Variants in NALF1 observed in about 807,000 individuals in gnomAD.
The protein encoded by NALF1 is NALCN channel auxiliary factor 1.
In NALF1, 3 loss-of-function variants were observed where a neutral mutation model predicts 48.4. That is an observed-to-expected ratio of 0.06 (90% CI 0.03 to 0.16). The LOEUF is 0.16. Among genes scored for constraint, NALF1 ranks in the 10% least tolerant of loss-of-function variants. The pLI is 1.00. For missense variants in NALF1, 526 were observed against 571.5 expected (o/e 0.92, Z 0.81); for synonymous variants, 262 against 245.7 (o/e 1.07, Z -0.62).
chr13:107,307,177 G>A (rs972756456), intron 1 of NALF1, among the ~76,000 whole-genome samples: 2 of 152,202 alleles, frequency 1.3e-5, no homozygotes, highest in African/African-American at 2.4e-5. Flanking sequence ...GTGCCCACAA[G>A]TGAATGAAGT....
chr13:107,499,452 T>C (rs994756782), intron 1 of NALF1, among the ~76,000 whole-genome samples: 4 of 152,136 alleles, frequency 2.6e-5, no homozygotes, highest in Admixed American at 6.6e-5. Flanking sequence ...TGGGGGATCC[T>C]CATGCTTGAC....
At chr13:107,754,397 A>ACC (rs1555323446) in intron 1 of NALF1, among the ~76,000 whole-genome samples, 21 of 131,028 alleles carry the variant, frequency 1.6e-4, no homozygotes, top group Admixed American at 5.5e-4. Context: ...ACACACACAC[A>ACC]CCATATATGG....
intron 1 of NALF1, among the ~76,000 whole-genome samples, chr13:107,260,370 C>G (rs1028586469): frequency 7.9e-5 from 12 of 152,168 alleles, no homozygotes; most frequent in Non-Finnish European, 1.0e-4. Context: ...ATTTGTAACA[C>G]AGACCCTGCA....
intron 1 of NALF1, among the ~76,000 whole-genome samples, chr13:107,487,680 C>A (rs1488807503): frequency 6.6e-6 from 1 of 152,160 alleles, no homozygotes; most frequent in Non-Finnish European, 1.5e-5. Context: ...ATTCAGTTTG[C>A]TAGTGTTTTT....
chr13:107,289,238 T>C (rs1881566620), intron 1 of NALF1, among the ~76,000 whole-genome samples: 1 of 152,200 alleles, frequency 6.6e-6, no homozygotes, highest in Admixed American at 6.5e-5. Context: ...CATGAACACA[T>C]TCTTCCCTTT....
chr13:107,373,946 C>T (rs1045545527), intron 1 of NALF1, among the ~76,000 whole-genome samples: 5 of 152,150 alleles, frequency 3.3e-5, no homozygotes, highest in Non-Finnish European at 7.3e-5. Context: ...TTTTAACATA[C>T]TTAATATCCC....
intron 1 of NALF1, among the ~76,000 whole-genome samples, chr13:107,668,315 C>A (rs1207743820): frequency 2.0e-5 from 3 of 151,932 alleles, no homozygotes; most frequent in Admixed American, 6.6e-5. Context: ...TTGGAAAGTC[C>A]CTGATCCTTT....
At chr13:107,731,521 A>G (rs1273067894) in intron 1 of NALF1, among the ~76,000 whole-genome samples, 1 of 152,074 alleles carries the variant, frequency 6.6e-6, no homozygotes, top group Non-Finnish European at 1.5e-5. Flanking sequence ...AGTACCCAAC[A>G]GTTATTATTT....
intron 1 of NALF1, among the ~76,000 whole-genome samples, chr13:107,214,466 C>T (rs972714947): frequency 9.2e-5 from 14 of 152,078 alleles, no homozygotes; most frequent in East Asian, 3.9e-4. Context: ...TTATATGAAA[C>T]GAAAGAATAA....
intron 1 of NALF1, among the ~76,000 whole-genome samples, chr13:107,249,467 T>C (rs578087178): frequency 7.2e-5 from 11 of 152,282 alleles, no homozygotes; most frequent in African/African-American, 2.6e-4. Context: ...GAAGTGATGT[T>C]TTTATTCTAA....
At chr13:107,647,878 C>T (rs1014683007) in intron 1 of NALF1, among the ~76,000 whole-genome samples, 4 of 152,184 alleles carry the variant, frequency 2.6e-5, no homozygotes, top group African/African-American at 7.2e-5. Flanking sequence ...TATTTCAAAA[C>T]TGATCTACCT....
At chr13:107,197,418 GCT>G (rs1333116458) in intron 2 of NALF1, among the ~76,000 whole-genome samples, 3 of 152,160 alleles carry the variant, frequency 2.0e-5, no homozygotes, top group Non-Finnish European at 4.4e-5. Context: ...AGATGTGCTG[GCT>G]TTTCCTGTGG....
At chr13:107,528,557 T>C (rs1045214248) in intron 1 of NALF1, among the ~76,000 whole-genome samples, 2 of 152,136 alleles carry the variant, frequency 1.3e-5, no homozygotes. Context: ...TCGAGGGGAA[T>C]TGCCTAATTT....
At chr13:107,343,804 A>C (rs761357637) in intron 1 of NALF1, among the ~76,000 whole-genome samples, 13 of 152,212 alleles carry the variant, frequency 8.5e-5, no homozygotes, top group Non-Finnish European at 1.8e-4. Context: ...TAAAGGAATT[A>C]GAAAAAGAAC....
intron 1 of NALF1, among the ~76,000 whole-genome samples, chr13:107,387,036 AAC>A (rs1319418584): frequency 3.3e-5 from 5 of 152,208 alleles, no homozygotes; most frequent in Non-Finnish European, 5.9e-5. Context: ...ACAACAACAA[AAC>A]ACAAACCTTT....
chr13:107,384,692 T>C (rs1337377228), intron 1 of NALF1, among the ~76,000 whole-genome samples: 1 of 152,220 alleles, frequency 6.6e-6, no homozygotes, highest in Non-Finnish European at 1.5e-5. Flanking sequence ...GATTTTTAAA[T>C]TAACTTTCCT....
At chr13:107,177,746 A>T (rs1188098530) in intron 2 of NALF1, among the ~76,000 whole-genome samples, 1 of 152,208 alleles carries the variant, frequency 6.6e-6, no homozygotes, top group Non-Finnish European at 1.5e-5. Flanking sequence ...AAATCAAATC[A>T]AAGTGTTTTA....
chr13:107,721,282 C>A (rs1875978602), intron 1 of NALF1, among the ~76,000 whole-genome samples: 1 of 152,044 alleles, frequency 6.6e-6, no homozygotes, highest in Non-Finnish European at 1.5e-5. Context: ...TCCTAGGGGA[C>A]AAAAACATCA....
intron 1 of NALF1, among the ~76,000 whole-genome samples, chr13:107,451,567 C>T (rs932691430): frequency 3.3e-5 from 5 of 152,148 alleles, no homozygotes; most frequent in South Asian, 2.1e-4. Context: ...AATACATGCT[C>T]CAGGTATTTC....
Sources: allele counts gnomAD v4.1 joint callset (sites outside exome capture counted in the v4.1 genomes callset), GRCh38; gene constraint gnomAD v4.1.1; transcripts MANE v1.5; gene names NCBI Gene and HGNC (gene_info 2026-07-23, HGNC 2026-07-21).